The following MFN2 variants were observed in gnomAD, a reference collection of about 807,000 sequenced individuals.
MFN2 encodes the protein mitofusin-2.
In MFN2, 43 loss-of-function variants were observed where a neutral mutation model predicts 87.5. The observed-to-expected ratio is 0.49, with a 90% CI of 0.38 to 0.63. The LOEUF (loss-of-function observed/expected upper bound fraction) is 0.63. Among genes scored for constraint, MFN2 ranks in the 30% least tolerant of loss-of-function variants. MFN2 has a pLI of 0.00. For missense variants in MFN2, 743 were observed against 972.8 expected (o/e 0.76, Z 3.14); for synonymous variants, 337 against 359.9 (o/e 0.94, Z 0.72).
intron 3 of MFN2, among the ~76,000 whole-genome samples, chr1:11,990,577 T>C (rs4846085): frequency 0.65 from 98,785 of 152,092 alleles, 32,498 homozygotes; most frequent in African/African-American, 0.69. Flanking sequence ...ATGTGATGCA[T>C]GCTTTGATTT....
At position 12,007,175 on chromosome 1, in the gene MFN2, T is replaced by G. The variant is rs755219120; in HGVS notation, c.1995T>G (p.Phe665Leu). The G allele has an allele frequency of 3.1e-6, 5 of 1,614,044 alleles. No individual in the cohort carries two copies. In the Admixed American group the frequency reaches 8.3e-5, roughly 27 times the overall value. Residue 665 changes from phenylalanine to leucine, a missense_variant, in exon 17 of 19, where the codon TTT becomes TTG. Coordinates refer to ENST00000235329, the MANE Select transcript of MFN2 (RefSeq NM_014874.4). The part of the protein sequence containing the change: ...KAKERAFKRQ[F>L]VEHASEKLQL... ...AGGAGAGGGCCTTCAAGCGCCAGTT[T>G]GTGGAGCATGCCAGCGAGAAGCTGC...
Position 11,992,299 on chromosome 1 carries a change from T to G in MFN2, c.176-256T>G, listed in dbSNP as rs75162063. ...TTAAGGAAACTAAGACCCAGAAAGG[T>G]TCTTTTGCTTGAGGCCACAGAGCTA... On this transcript the variant is annotated intron_variant, in intron 3 of 18. Coordinates refer to ENST00000235329, the MANE Select transcript of MFN2 (RefSeq NM_014874.4). 3.6e-3 allele frequency: 1,951 copies of G among 537,670 alleles called. 38 individuals carry two copies. Among genetic ancestry groups the G allele is most frequent in the East Asian group, 0.036 (1,099 of 30,394 alleles). 33.3% of individuals were successfully genotyped at this position (537,670 alleles called of 1,614,324 possible). A position where few individuals can be genotyped will look rare whatever the true frequency, so the allele number is the denominator to read the frequency against.
rs756110507 is a variant in MFN2 at position 12,004,539 on chromosome 1, C to T, written c.1318C>T (p.Arg440Cys). ...GACTGCAATGGCCGAGGAGATCAGG[C>T]GCCTCTCTGTACTGGTGGACGATTA... ...VSTAMAEEIRRLSVLVDDYQM... is the reference protein window; with the variant it reads ...VSTAMAEEIRCLSVLVDDYQM... The change falls in exon 13 of 19, where the codon CGC (arginine) becomes TGC (cysteine). Residue 440 changes from arginine (R) to cysteine (C), a missense_variant. Transcript: ENST00000235329. The surrounding 1 kb of genome is among the most constrained non-coding windows in gnomAD (Gnocchi z 4.2). The T allele has an allele frequency of 8.1e-6, 13 of 1,614,032 alleles. No individual in the cohort carries two copies. The highest frequency in any genetic ancestry group is 8.0e-5 in the African/African-American group (6 of 74,918).
chr1:11,995,225 G>A (rs1053271318), intron 4 of MFN2, among the ~76,000 whole-genome samples: 1 of 151,976 alleles, frequency 6.6e-6, no homozygotes, highest in South Asian at 2.1e-4. Flanking sequence ...CATGCCACAC[G>A]CTACTGCACT....
At position 12,004,077 on chromosome 1, in the gene MFN2, A is replaced by G; in HGVS notation, c.1246A>G (p.Lys416Glu). 1 of 1,614,188 alleles carries G rather than the reference A, an allele frequency of 6.2e-7. No homozygotes were observed. The change falls in exon 12 of 19, where the codon AAG (lysine) becomes GAG (glutamate). Residue 416 changes from lysine to glutamate, a missense_variant. This residue lies in a region of MFN2 where 571 missense variants were observed against 670.7 expected (regional missense o/e 0.85). Transcript: ENST00000235329. The surrounding 1 kb of genome is among the most constrained non-coding windows in gnomAD (Gnocchi z 4.2). The part of the protein sequence containing the change: ...KQLELLAQDY[K>E]LRIKQITEEV... ...GCTGGAGCTCTTGGCTCAAGACTAT[A>G]AGCTGCGAATTAAGCAGATTACGGA... is the stretch of plus-strand genomic sequence containing the variant.
Position 12,006,622 on chromosome 1 carries a change from G to T in MFN2, c.1801G>T (p.Val601Phe), listed in dbSNP as rs775520170. ...QGSLTQEEFM[V>F]SMVTGLASLT... Reference sequence around the variant, plus strand: ...CTCGCTCACCCAGGAGGAGTTCATGGTTTCCATGGTTACCGGCCTGGCCTC... The same window carrying T: ...CTCGCTCACCCAGGAGGAGTTCATGTTTTCCATGGTTACCGGCCTGGCCTC... The change falls in exon 16 of 19, where the codon GTT becomes TTT. Residue 601 changes from valine to phenylalanine, a missense_variant. Val to Phe is a conservative substitution (Grantham distance 50). Around this residue, in one of 3 missense-constraint regions of MFN2, gnomAD observed 571 missense variants for 670.7 expected, o/e 0.85. Transcript: ENST00000235329. 2 of 1,614,140 alleles carry T rather than the reference G, an allele frequency of 1.2e-6. No individual in the cohort carries two copies. The highest frequency in any genetic ancestry group is 1.7e-6 in the Non-Finnish European group (2 of 1,180,030).
intron 8 of MFN2, among the ~76,000 whole-genome samples, chr1:11,999,483 A>G (rs1391859676): frequency 6.6e-6 from 1 of 151,836 alleles, no homozygotes; most frequent in Non-Finnish European, 1.5e-5. Context: ...ACTCTTAGCT[A>G]TTTACTTATT....
intron 11 of MFN2, among the ~76,000 whole-genome samples, chr1:12,002,609 G>A (rs184841019): frequency 9.2e-5 from 14 of 152,276 alleles, no homozygotes; most frequent in African/African-American, 3.4e-4. Context: ...GATCACTGGA[G>A]CCCAGGAGTT....
At position 12,004,119 on chromosome 1, in the gene MFN2, G is replaced by C. The variant is rs1639299226; in HGVS notation, c.1287+1G>C. ...GATTACGGAGGAAGTGGAGAGGCAG[G>C]TGAGAAATGAGGAGGAGGCATTCTG... On this transcript the variant is annotated splice_donor_variant, in intron 12 of 18. Coordinates refer to ENST00000235329, the MANE Select transcript of MFN2 (RefSeq NM_014874.4). LOFTEE classifies it high-confidence loss of function. The surrounding 1 kb of genome is among the most constrained non-coding windows in gnomAD (Gnocchi z 4.2). 1 of 1,614,014 alleles carries C rather than the reference G, an allele frequency of 6.2e-7. No individual in the cohort carries two copies. The highest frequency in any genetic ancestry group is 8.5e-7 in the Non-Finnish European group (1 of 1,180,034).
intron 18 of MFN2, among the ~76,000 whole-genome samples, chr1:12,010,815 C>T (rs1340191344): frequency 1.3e-5 from 2 of 152,092 alleles, no homozygotes; most frequent in East Asian, 1.9e-4. Flanking sequence ...CTGCCCAGCT[C>T]ATGATAACAT....
chr1:11,998,677 C>A, intron 6 of MFN2, 93 bp from the exon 7 acceptor site: 1 of 1,161,828 alleles, frequency 8.6e-7, no homozygotes, highest in Non-Finnish European at 1.3e-6. Flanking sequence ...TCCTCCATGA[C>A]CTGCCTGCCT....
In MFN2 at chr1:12,001,401, G is replaced by A. The variant is rs1639165942; in HGVS notation, c.817G>A (p.Val273Met). The A allele has an allele frequency of 6.2e-7, 1 of 1,613,514 alleles. No individual in the cohort carries two copies. Among genetic ancestry groups the A allele is most frequent in the South Asian group, 1.1e-5 (1 of 91,026 alleles). The change falls in exon 9 of 19, where the codon GTG (valine) becomes ATG (methionine). Residue 273 changes from valine (V) to methionine (M), a missense_variant and splice_region_variant. Around this residue, in one of 3 missense-constraint regions of MFN2, gnomAD observed 571 missense variants for 670.7 expected, o/e 0.85. Transcript: ENST00000235329. ...SASEPEYMEEVRRQHMERCTS... is the reference protein window; with the variant it reads ...SASEPEYMEEMRRQHMERCTS... ...CTGGACACATTTGTTTGGGCTCCAG[G>A]TGCGGCGGCAGCACATGGAGCGTTG...
Position 12,012,593 on chromosome 1 carries a change from C to G in MFN2, c.*1028C>G, listed in dbSNP as rs763004280. ...TGCCCTTTAAGAGACATGTTTCCAC[C>G]CCACCCCCAACCTTGTCCCAAGTGC... On this transcript the variant is annotated 3_prime_UTR_variant, in exon 19 of 19. Transcript: ENST00000235329. The G allele has an allele frequency of 6.6e-6, 1 of 152,168 alleles. No individual in the cohort carries two copies. The highest frequency in any genetic ancestry group is 6.5e-5 in the Admixed American group (1 of 15,268). The allele number at this position is 152,168 out of a possible 1,614,324, so 9.4% of individuals were successfully genotyped here.
rs187059631 is a variant in MFN2, at chr1:11,986,643, T to G, written c.-4-2522T>G. On this transcript the variant is annotated intron_variant, in intron 2 of 18. Transcript: ENST00000235329. ...TCTTGCTCTATTGCTCAGGCTGGAG[T>G]GCAATGGCGCGATCTTAGCTCACTG... is the stretch of plus-strand genomic sequence containing the variant. Among the ~76,000 whole-genome samples, 3 of 149,210 alleles carry G rather than the reference T, an allele frequency of 2.0e-5. No individual in the cohort carries two copies. The East Asian group carries it at 5.9e-4, about 29-fold the overall frequency.
At chr1:12,000,547 A>G (rs139445549) in intron 8 of MFN2, among the ~76,000 whole-genome samples, 175 of 152,276 alleles carry the variant, frequency 1.1e-3, no homozygotes, top group South Asian at 6.0e-3. Context: ...TGGTAATCCA[A>G]TTTCCTGGCC....
chr1:12,009,816 T>C, intron 18 of MFN2, 90 bp downstream of exon 18: 1 of 1,587,848 alleles, frequency 6.3e-7, no homozygotes, highest in Non-Finnish European at 8.6e-7. Context: ...GTCTTGGGTG[T>C]GGACACAAAT....
chr1:11,980,924 AG>A (rs935048823), intron 1 of MFN2, among the ~76,000 whole-genome samples: 1 of 152,168 alleles, frequency 6.6e-6, no homozygotes, highest in Non-Finnish European at 1.5e-5. Context: ...AAGGCCCTGG[AG>A]GGCAGGACTG....
At chr1:12,010,255 A>G (rs566989909) in intron 18 of MFN2, among the ~76,000 whole-genome samples, 1 of 152,364 alleles carries the variant, frequency 6.6e-6, no homozygotes, top group African/African-American at 2.4e-5. Context: ...AGGCACTTGC[A>G]GTTGAAGGCA....
intron 11 of MFN2, among the ~76,000 whole-genome samples, chr1:12,002,744 G>GT (rs1287600932): frequency 6.6e-6 from 1 of 152,274 alleles, no homozygotes; most frequent in African/African-American, 2.4e-5. Context: ...TTTCTCAGTT[G>GT]TTTATGTTAA....
Sources: gnomAD v4.1 joint callset for allele counts (sites outside exome capture counted in the v4.1 genomes callset) on GRCh38, gnomAD v4.1.1 for gene constraint, gnomAD v4.1.1 regional missense constraint, Gnocchi (gnomAD v3.1) non-coding constraint, MANE v1.5 for transcripts, NCBI Gene and HGNC (gene_info 2026-07-23, HGNC 2026-07-21) for gene names.